The following GNG12 variants were observed in gnomAD, a reference collection of about 807,000 sequenced individuals.
The protein encoded by GNG12 is guanine nucleotide-binding protein G(I)/G(S)/G(O) subunit gamma-12.
For missense variants in GNG12, 69 were observed against 83.8 expected (o/e 0.82, Z 0.69); for synonymous variants, 28 against 29.7 (o/e 0.94, Z 0.19).
intron 1 of GNG12, among the ~76,000 whole-genome samples, chr1:67,790,047 C>G (rs1646792697): frequency 6.6e-6 from 1 of 152,180 alleles, no homozygotes; most frequent in Non-Finnish European, 1.5e-5. Context: ...ACTTGCTCAT[C>G]TTTTCCTGTA....
At chr1:67,760,101 T>C (rs1182362322) in intron 2 of GNG12, among the ~76,000 whole-genome samples, 1 of 152,220 alleles carries the variant, frequency 6.6e-6, no homozygotes, top group Admixed American at 6.5e-5. Context: ...CCACTAACTT[T>C]GTAGTGCTCT....
intron 2 of GNG12, among the ~76,000 whole-genome samples, chr1:67,772,328 C>T (rs537205881): frequency 2.3e-4 from 35 of 152,270 alleles, no homozygotes; most frequent in African/African-American, 8.4e-4. Flanking sequence ...GTGGTGCTAC[C>T]CATCCTTGTC....
intron 1 of GNG12, among the ~76,000 whole-genome samples, chr1:67,800,249 T>C (rs1646856956): frequency 6.6e-6 from 1 of 152,122 alleles, no homozygotes; most frequent in African/African-American, 2.4e-5. Flanking sequence ...ATATTGAAAA[T>C]GTACTCATTA....
At chr1:67,746,024 T>C (rs931405878) in intron 2 of GNG12, among the ~76,000 whole-genome samples, 4 of 152,200 alleles carry the variant, frequency 2.6e-5, no homozygotes, top group African/African-American at 9.7e-5. Context: ...TACCTAAAGA[T>C]ATTAATGAAA....
At chr1:67,710,743 A>AT (rs1557592635) in intron 2 of GNG12, among the ~76,000 whole-genome samples, 2 of 152,080 alleles carry the variant, frequency 1.3e-5, no homozygotes, top group Admixed American at 6.6e-5. Context: ...CCTCATTCTG[A>AT]TATCTGCGTT....
chr1:67,706,906 C>T (rs892858538), intron 3 of GNG12, among the ~76,000 whole-genome samples: 1 of 152,024 alleles, frequency 6.6e-6, no homozygotes, highest in South Asian at 2.1e-4. Context: ...GTGATCTGCC[C>T]GCCTCGGCCT....
At chr1:67,775,747 C>T (rs960647760) in intron 2 of GNG12, among the ~76,000 whole-genome samples, 2 of 152,114 alleles carry the variant, frequency 1.3e-5, no homozygotes, top group African/African-American at 4.8e-5. Context: ...CCAAAGAAGG[C>T]ACTGTTTGGC....
At chr1:67,823,959 T>C (rs1464681221) in intron 1 of GNG12, among the ~76,000 whole-genome samples, 2 of 152,160 alleles carry the variant, frequency 1.3e-5, no homozygotes, top group Non-Finnish European at 2.9e-5. Context: ...CTTGTTATTC[T>C]GTGTGTGTGT....
chr1:67,746,321 A>T (rs1192537249), intron 2 of GNG12, among the ~76,000 whole-genome samples: 1 of 152,218 alleles, frequency 6.6e-6, no homozygotes, highest in Non-Finnish European at 1.5e-5. Context: ...GAATAAAGAA[A>T]CGTTTCTCTT....
chr1:67,807,735 A>G (rs1490771593), intron 1 of GNG12, among the ~76,000 whole-genome samples: 1 of 152,172 alleles, frequency 6.6e-6, no homozygotes, highest in Non-Finnish European at 1.5e-5. Context: ...ATACTCCTTG[A>G]AAGATACAAT....
At chr1:67,716,926 G>C (rs1396342748) in intron 2 of GNG12, among the ~76,000 whole-genome samples, 1 of 152,152 alleles carries the variant, frequency 6.6e-6, no homozygotes, top group Admixed American at 6.6e-5. Context: ...AGAGAAGTTG[G>C]CAAGGATCCA....
At chr1:67,707,953 C>T (rs1376805209) in intron 2 of GNG12, among the ~76,000 whole-genome samples, 1 of 152,140 alleles carries the variant, frequency 6.6e-6, no homozygotes, top group African/African-American at 2.4e-5. Context: ...GCAGTTTAAT[C>T]GATGCACCCC....
At chr1:67,784,664 T>A (rs971474166) in intron 1 of GNG12, among the ~76,000 whole-genome samples, 1 of 152,180 alleles carries the variant, frequency 6.6e-6, no homozygotes, top group African/African-American at 2.4e-5. Context: ...GTTTTTCTTG[T>A]AAGTTTGAAT....
intron 1 of GNG12, among the ~76,000 whole-genome samples, chr1:67,797,059 A>C (rs762027391): frequency 6.6e-6 from 1 of 152,194 alleles, no homozygotes; most frequent in Non-Finnish European, 1.5e-5. Context: ...ATCTGCTGCC[A>C]TGACCCAAAC....
At chr1:67,809,169 C>CTTTGACAA (rs1646909463) in intron 1 of GNG12, among the ~76,000 whole-genome samples, 1 of 152,268 alleles carries the variant, frequency 6.6e-6, no homozygotes, top group Admixed American at 6.5e-5. Flanking sequence ...AAAGGTAATA[C>CTTTGACAA]AGTGGAGCAA....
At chr1:67,822,675 G>A (rs1410558716) in intron 1 of GNG12, among the ~76,000 whole-genome samples, 2 of 152,092 alleles carry the variant, frequency 1.3e-5, no homozygotes, top group African/African-American at 2.4e-5. Context: ...TGCTAGTGTA[G>A]GTACTCCCAG....
At chr1:67,810,091 G>A (rs1646915209) in intron 1 of GNG12, among the ~76,000 whole-genome samples, 1 of 152,126 alleles carries the variant, frequency 6.6e-6, no homozygotes, top group African/African-American at 2.4e-5. Flanking sequence ...AGTGCTAAAA[G>A]GAAATGAGCT....
At chr1:67,780,490 G>A (rs1646731456) in intron 1 of GNG12, among the ~76,000 whole-genome samples, 1 of 152,118 alleles carries the variant, frequency 6.6e-6, no homozygotes, top group Non-Finnish European at 1.5e-5. Context: ...TTAATAATGT[G>A]TCTAGCTCAT....
At chr1:67,830,515 T>C (rs1371006925) in intron 1 of GNG12, among the ~76,000 whole-genome samples, 2 of 152,210 alleles carry the variant, frequency 1.3e-5, no homozygotes, top group East Asian at 1.9e-4. Flanking sequence ...TTGGGTCACA[T>C]GTTTTCATAC....
Sources: gnomAD v4.1 joint callset for allele counts (sites outside exome capture counted in the v4.1 genomes callset) on GRCh38, gnomAD v4.1.1 for gene constraint, MANE v1.5 for transcripts, NCBI Gene and HGNC (gene_info 2026-07-23, HGNC 2026-07-21) for gene names.